Variants in CNTN5 observed in about 807,000 individuals in gnomAD.
CNTN5 encodes the protein contactin-5.
A neutral mutation model predicts 129.1 loss-of-function variants in CNTN5; 77 were observed. The ratio of observed to expected loss-of-function variants is 0.60; its 90% CI spans 0.50 to 0.72. The LOEUF (loss-of-function observed/expected upper bound fraction) is 0.72, where lower values mean the gene tolerates loss of function less well. CNTN5 is among the 30% of genes least tolerant of loss of function. CNTN5 has a pLI of 0.00. For missense variants in CNTN5, 1,478 were observed against 1,328.8 expected, an observed-to-expected ratio of 1.11 and a Z score of -1.75; for synonymous variants, 509 against 465.6, an observed-to-expected ratio of 1.09 and a Z score of -1.20.
intron 1 of CNTN5, among the ~76,000 whole-genome samples, chr11:99,103,407 A>G (rs1040960572): frequency 8.5e-5 from 13 of 152,110 alleles, no homozygotes; most frequent in Admixed American, 7.9e-4. Flanking sequence ...CCTTTCCTTT[A>G]CATCTTTTTC....
rs577972605 is a variant in CNTN5, at chr11:99,588,980, T to C, written c.55+32711T>C. Among the ~76,000 whole-genome samples, 5 of 152,310 alleles carry C rather than the reference T, an allele frequency of 3.3e-5. No individual in the cohort carries two copies. In the South Asian group the frequency reaches 8.3e-4, roughly 25 times the overall value. On this transcript the variant is annotated intron_variant, in intron 3 of 24. Coordinates refer to ENST00000524871, the MANE Select transcript of CNTN5 (RefSeq NM_014361.4). The stretch of plus-strand genomic sequence containing the variant: ...AGCATACTTAGGCTTGATATTTTTG[T>C]GTATAGAAATGAAAATAACAAAAGC...
At chr11:99,021,349 A>G (rs1862861923) in intron 1 of CNTN5, 79 bp downstream of exon 1, 1 of 152,132 alleles carries the variant, frequency 6.6e-6, no homozygotes, top group Non-Finnish European at 1.5e-5. Context: ...AGGATTTTTG[A>G]CACACTCTGT....
intron 1 of CNTN5, among the ~76,000 whole-genome samples, chr11:99,178,128 A>G (rs531924588): frequency 6.6e-6 from 1 of 152,028 alleles, no homozygotes; most frequent in South Asian, 2.1e-4. Flanking sequence ...CCTACAACTA[A>G]GAAATGGTAT....
At chr11:100,324,900 T>G (rs1951760689) in intron 21 of CNTN5, among the ~76,000 whole-genome samples, 1 of 152,192 alleles carries the variant, frequency 6.6e-6, no homozygotes, top group Admixed American at 6.5e-5. Flanking sequence ...ACTCATTAAA[T>G]TGCATCCTTT....
intron 2 of CNTN5, among the ~76,000 whole-genome samples, chr11:99,412,980 T>G (rs1437543105): frequency 6.6e-6 from 1 of 152,176 alleles, no homozygotes; most frequent in East Asian, 1.9e-4. Flanking sequence ...ACATTTGACT[T>G]TATGACTTTA....
intron 2 of CNTN5, among the ~76,000 whole-genome samples, chr11:99,391,670 C>T (rs1941266879): frequency 2.0e-5 from 3 of 151,964 alleles, no homozygotes; most frequent in Admixed American, 2.0e-4. Context: ...CATTAAGCCT[C>T]AGTTTTATGT....
At chr11:99,851,372 A>C (rs1947868444) in intron 6 of CNTN5, among the ~76,000 whole-genome samples, 1 of 152,172 alleles carries the variant, frequency 6.6e-6, no homozygotes, top group Admixed American at 6.5e-5. Context: ...TTTTGACAAA[A>C]GATATTTTAT....
intron 6 of CNTN5, among the ~76,000 whole-genome samples, chr11:99,910,790 T>C (rs1265575667): frequency 6.6e-6 from 1 of 151,670 alleles, no homozygotes; most frequent in Non-Finnish European, 1.5e-5. Context: ...TCTAAACATT[T>C]AGAAGGTCAA....
At chr11:100,105,684 C>T (rs1371592939) in intron 13 of CNTN5, among the ~76,000 whole-genome samples, 3 of 152,100 alleles carry the variant, frequency 2.0e-5, no homozygotes, top group Non-Finnish European at 1.5e-5. Context: ...AGTCCTTTTC[C>T]TCCTCTCCTT....
At chr11:99,496,784 T>A (rs1036411991) in intron 2 of CNTN5, among the ~76,000 whole-genome samples, 7 of 152,214 alleles carry the variant, frequency 4.6e-5, no homozygotes, top group Admixed American at 3.9e-4. Flanking sequence ...TGGGGTTGGA[T>A]GTTGTGAAAA....
chr11:99,357,749 A>T (rs562702574), intron 2 of CNTN5, among the ~76,000 whole-genome samples: 1 of 152,000 alleles, frequency 6.6e-6, no homozygotes, highest in East Asian at 2.0e-4. Flanking sequence ...AGTAGAGAAC[A>T]TTTACAAATT....
chr11:100,222,388 A>T (rs1254882112), intron 15 of CNTN5, among the ~76,000 whole-genome samples: 1 of 152,134 alleles, frequency 6.6e-6, no homozygotes, highest in Non-Finnish European at 1.5e-5. Flanking sequence ...TGTAATTTTA[A>T]TTACATCTCT....
chr11:99,347,983 GTTTC>G (rs1186074211), intron 2 of CNTN5, among the ~76,000 whole-genome samples: 1 of 152,098 alleles, frequency 6.6e-6, no homozygotes, highest in Non-Finnish European at 1.5e-5. Flanking sequence ...AGCTGAATTT[GTTTC>G]TTTATATGGT....
intron 2 of CNTN5, among the ~76,000 whole-genome samples, chr11:99,374,322 G>A (rs1940021875): frequency 6.6e-6 from 1 of 152,108 alleles, no homozygotes; most frequent in Non-Finnish European, 1.5e-5. Flanking sequence ...ACAGCACAAA[G>A]CCTTTGGCAT....
At chr11:100,259,314 CAA>C (rs1356979349) in intron 17 of CNTN5, among the ~76,000 whole-genome samples, 1 of 152,126 alleles carries the variant, frequency 6.6e-6, no homozygotes, top group Non-Finnish European at 1.5e-5. Context: ...TAGAGATCTA[CAA>C]AGAGACTTAG....
chr11:99,763,722 T>A (rs1296494481), intron 3 of CNTN5, among the ~76,000 whole-genome samples: 1 of 152,124 alleles, frequency 6.6e-6, no homozygotes, highest in Non-Finnish European at 1.5e-5. Flanking sequence ...AAAGATTATA[T>A]TGATAACTTA....
chr11:100,275,805 T>C (rs1486006417), intron 18 of CNTN5, among the ~76,000 whole-genome samples: 1 of 152,220 alleles, frequency 6.6e-6, no homozygotes, highest in African/African-American at 2.4e-5. Context: ...GGAAGGTTTG[T>C]ATTGCATCCT....
intron 6 of CNTN5, among the ~76,000 whole-genome samples, chr11:99,864,588 C>T (rs1356070149): frequency 6.6e-6 from 1 of 152,152 alleles, no homozygotes; most frequent in Non-Finnish European, 1.5e-5. Context: ...TTCCTTGGAT[C>T]TTCCTATGTT....
chr11:100,164,549 A>T (rs1947563729), intron 13 of CNTN5, among the ~76,000 whole-genome samples: 1 of 151,826 alleles, frequency 6.6e-6, no homozygotes, highest in African/African-American at 2.4e-5. Flanking sequence ...ACTAAAGAGA[A>T]GTCCCAAAAT....
Sources: allele counts gnomAD v4.1 joint callset (sites outside exome capture counted in the v4.1 genomes callset), GRCh38; gene constraint gnomAD v4.1.1; transcripts MANE v1.5; gene names NCBI Gene and HGNC (gene_info 2026-07-23, HGNC 2026-07-21).